CNGA3: variants seen among roughly 807,000 people sequenced by gnomAD.
CNGA3 encodes cyclic nucleotide gated channel subunit alpha 3.
CNGA3 carries 42 observed loss-of-function variants against 46.6 expected under a neutral mutation model. The ratio of observed to expected loss-of-function variants is 0.90; its 90% CI spans 0.70 to 1.17. CNGA3 has a LOEUF of 1.17. CNGA3 is among the 50% of genes most tolerant of loss of function. CNGA3 has a pLI of 0.00. For missense variants in CNGA3, 893 were observed against 890.7 expected (o/e 1.00, Z -0.03); for synonymous variants, 394 against 369.4 (o/e 1.07, Z -0.76).
At chr2:98,368,070 C>T (rs1433625430) in intron 1 of CNGA3, among the ~76,000 whole-genome samples, 1 of 152,224 alleles carries the variant, frequency 6.6e-6, no homozygotes, top group Non-Finnish European at 1.5e-5. Context: ...CTCATTGTTA[C>T]ATAAGTGAAT....
In CNGA3 at chr2:98,396,031, C is replaced by A; in HGVS notation, c.861C>A (p.Phe287Leu). The stretch of plus-strand genomic sequence containing the variant: ...TGAAGTTTTCCCGGCTCTTTGAATT[C>A]TTTGACCGCACAGAGACAAGGACCA... Reference protein sequence around the residue: ...RLLKFSRLFEFFDRTETRTNY... With the variant: ...RLLKFSRLFELFDRTETRTNY... The change falls in exon 8 of 8, where the codon TTC (phenylalanine) becomes TTA (leucine). Residue 287 changes from phenylalanine (F) to leucine (L), a missense_variant. Phe to Leu is a conservative substitution (Grantham distance 22). Transcript: ENST00000272602. 1.9e-6 allele frequency: 3 copies of A among 1,614,210 alleles called. No individual in the cohort carries two copies. The highest frequency in any genetic ancestry group is 1.7e-6 in the Non-Finnish European group (2 of 1,180,032).
intron 1 of CNGA3, among the ~76,000 whole-genome samples, chr2:98,357,586 C>T (rs563989286): frequency 1.6e-4 from 25 of 152,180 alleles, no homozygotes; most frequent in Non-Finnish European, 2.9e-4. Context: ...CTGTCTTCCT[C>T]ATCTTCACAA....
chr2:98,351,672 G>T (rs1272648882), intron 1 of CNGA3, among the ~76,000 whole-genome samples: 1 of 152,102 alleles, frequency 6.6e-6, no homozygotes, highest in Admixed American at 6.5e-5. Flanking sequence ...GTTGATACAC[G>T]TAAAAAGTTA....
chr2:98,376,195 C>T (rs977228870), intron 2 of CNGA3, among the ~76,000 whole-genome samples: 31 of 152,148 alleles, frequency 2.0e-4, no homozygotes, highest in African/African-American at 7.5e-4. Flanking sequence ...TTTGGGTTTT[C>T]GCTGACTGTA....
Position 98,396,004 on chromosome 2 carries a change from A to G in CNGA3, c.834A>G (p.Leu278=), listed in dbSNP as rs764148681. The change falls in exon 8 of 8, where the codon CTA becomes CTG. Residue 278 remains leucine, a synonymous_variant. Coordinates refer to ENST00000272602, the MANE Select transcript of CNGA3 (RefSeq NM_001298.3). ...ACCCAGAAGTGAGGTTCAACCGCCT[A>G]CTGAAGTTTTCCCGGCTCTTTGAAT... The part of the protein sequence containing the change: ...TNYPEVRFNR[L]LKFSRLFEFF... 1.2e-6 allele frequency: 2 copies of G among 1,614,242 alleles called. No homozygotes were observed. Among genetic ancestry groups the G allele is most frequent in the Admixed American group, 1.7e-5 (1 of 60,034 alleles).
At chr2:98,384,933 A>G (rs919258467) in intron 5 of CNGA3, among the ~76,000 whole-genome samples, 1 of 152,252 alleles carries the variant, frequency 6.6e-6, no homozygotes, top group Admixed American at 6.5e-5. Context: ...ATAATTATTT[A>G]TGAACACCTT....
At chr2:98,362,570 G>T (rs1455424527) in intron 1 of CNGA3, among the ~76,000 whole-genome samples, 1 of 152,030 alleles carries the variant, frequency 6.6e-6, no homozygotes, top group Non-Finnish European at 1.5e-5. Flanking sequence ...CAGATGGGTA[G>T]ATTGCAAAAA....
intron 7 of CNGA3, among the ~76,000 whole-genome samples, chr2:98,392,875 T>C (rs1484175212): frequency 6.6e-6 from 1 of 152,254 alleles, no homozygotes; most frequent in East Asian, 1.9e-4. Flanking sequence ...TCACATTTCT[T>C]AGGTGCTGAA....
chr2:98,352,733 T>C (rs1184562400), intron 1 of CNGA3, among the ~76,000 whole-genome samples: 4 of 152,162 alleles, frequency 2.6e-5, no homozygotes, highest in Non-Finnish European at 5.9e-5. Flanking sequence ...GGATAAAATG[T>C]AGAAGAAAGG....
At position 98,396,066 on chromosome 2, in the gene CNGA3, A is replaced by G. The variant is rs770185966; in HGVS notation, c.896A>G (p.Asn299Ser). 5 of 1,614,162 alleles carry G rather than the reference A, an allele frequency of 3.1e-6. No homozygotes were observed. Among genetic ancestry groups the G allele is most frequent in the Admixed American group, 1.7e-5 (1 of 60,012 alleles). ...DRTETRTNYP[N>S]MFRIGNLVLY... ...ACAGAGACAAGGACCAACTACCCCA[A>G]TATGTTCAGGATTGGGAACTTGGTC... Residue 299 changes from asparagine to serine, a missense_variant, in exon 8 of 8, where the codon AAT (asparagine) becomes AGT (serine). This residue lies in a region of CNGA3 where 548 missense variants were observed against 570.8 expected (regional missense o/e 0.96). Coordinates refer to ENST00000272602, the MANE Select transcript of CNGA3 (RefSeq NM_001298.3).
chr2:98,348,464 C>A (rs1691694224), intron 1 of CNGA3, among the ~76,000 whole-genome samples: 1 of 152,220 alleles, frequency 6.6e-6, no homozygotes. Context: ...CAGTTGGAAG[C>A]TACTCAGGCT....
intron 6 of CNGA3, among the ~76,000 whole-genome samples, chr2:98,390,877 A>C (rs114223230): frequency 0.016 from 2,457 of 152,312 alleles, 66 homozygotes; most frequent in African/African-American, 0.056. Flanking sequence ...ACAGGTGTGC[A>C]AAGGCAGGTC....
chr2:98,384,753 T>C lies in CNGA3; in HGVS notation c.449+1312T>C, dbSNP rs369908008. On this transcript the variant is annotated intron_variant, in intron 5 of 7. Transcript: ENST00000272602. ...CATGGACAGAGGTCCTGGGGGTTTC[T>C]AGGCATCTTTGTCCTGGGGCTGGGG... Among the ~76,000 whole-genome samples, 80 of 152,278 alleles carry C rather than the reference T, an allele frequency of 5.3e-4. 1 individual carries two copies. In the South Asian group the frequency reaches 0.016, roughly 30 times the overall value.
chr2:98,397,088 C>T lies in CNGA3; in HGVS notation c.1918C>T (p.Leu640=). The part of the protein sequence containing the change: ...VEQLGSSLDT[L]QTRFARLLAE... ...GCAGCTGGGGTCCTCCCTGGACACC[C>T]TGCAGACCAGGTTTGCACGCCTCCT... The change falls in exon 8 of 8, where the codon CTG becomes TTG. Residue 640 remains leucine, a synonymous_variant. Transcript: ENST00000272602. The T allele has an allele frequency of 1.2e-6, 2 of 1,614,168 alleles. No homozygotes were observed. The highest frequency in any genetic ancestry group is 1.6e-4 in the Middle Eastern group (1 of 6,062).
At chr2:98,377,645 G>C (rs779641925) in intron 2 of CNGA3, 42 bp from the exon 3 acceptor site, 1 of 1,559,970 alleles carries the variant, frequency 6.4e-7, no homozygotes, top group Non-Finnish European at 8.7e-7. Flanking sequence ...GAGGTAGATG[G>C]GCTTGAAATC....
In CNGA3 at chr2:98,397,081, G is replaced by T; in HGVS notation, c.1911G>T (p.Leu637=). ...AAGTGGAGCAGCTGGGGTCCTCCCT[G>T]GACACCCTGCAGACCAGGTTTGCAC... is the stretch of plus-strand genomic sequence containing the variant. The part of the protein sequence containing the change: ...EEKVEQLGSS[L]DTLQTRFARL... Residue 637 remains leucine, a synonymous_variant, in exon 8 of 8, where the codon CTG becomes CTT. Transcript: ENST00000272602. 1.2e-6 allele frequency: 2 copies of T among 1,614,108 alleles called. No individual in the cohort carries two copies. The highest frequency in any genetic ancestry group is 1.7e-6 in the Non-Finnish European group (2 of 1,180,008).
At chr2:98,373,165 TCCCAG>T (rs1692325616) in intron 2 of CNGA3, among the ~76,000 whole-genome samples, 1 of 152,092 alleles carries the variant, frequency 6.6e-6, no homozygotes, top group Non-Finnish European at 1.5e-5. Context: ...CTCCCCTGCT[TCCCAG>T]CCCAGCCCAG....
chr2:98,371,940 G>T lies in CNGA3; in HGVS notation c.101+1864G>T, dbSNP rs115948843. 7.0e-3 allele frequency among the ~76,000 whole-genome samples: 1,066 copies of T among 152,354 alleles called. 16 individuals are homozygous for T. Among genetic ancestry groups the T allele is most frequent in the African/African-American group, 0.024 (987 of 41,572 alleles). ...TGGGAGAAGGACCAGAGGCTGTCAG[G>T]ATCAGGAAGATTTTGAAGCAGAATG... is the stretch of plus-strand genomic sequence containing the variant. On this transcript the variant is annotated intron_variant, in intron 2 of 7. Coordinates refer to ENST00000272602, the MANE Select transcript of CNGA3 (RefSeq NM_001298.3).
intron 1 of CNGA3, among the ~76,000 whole-genome samples, chr2:98,350,597 C>G (rs1691750085): frequency 6.6e-6 from 1 of 152,162 alleles, no homozygotes; most frequent in Non-Finnish European, 1.5e-5. Flanking sequence ...ACACTCAGAG[C>G]TGAGGAACTC....
Sources: gnomAD v4.1 joint callset for allele counts (sites outside exome capture counted in the v4.1 genomes callset) on GRCh38, gnomAD v4.1.1 for gene constraint, gnomAD v4.1.1 regional missense constraint, MANE v1.5 for transcripts, NCBI Gene and HGNC (gene_info 2026-07-23, HGNC 2026-07-21) for gene names.